TTC28: variants seen among roughly 807,000 people sequenced by gnomAD.
TTC28 encodes the protein tetratricopeptide repeat protein 28.
In TTC28, 61 loss-of-function variants were observed where a neutral mutation model predicts 198.0. The ratio of observed to expected loss-of-function variants is 0.31; its 90% CI spans 0.25 to 0.38. The LOEUF (loss-of-function observed/expected upper bound fraction) is 0.38, where lower values mean the gene tolerates loss of function less well. Ranked by LOEUF, TTC28 falls within the 10% of genes least tolerant of loss-of-function variation. The pLI, the probability that TTC28 is intolerant of heterozygous loss-of-function variation, is 1.00. For synonymous variants in TTC28, 1,171 were observed against 1,297.8 expected (o/e 0.90, Z 2.10); for missense variants, 2,678 against 3,164.0 (o/e 0.85, Z 3.69).
At chr22:28,377,816 G>A (rs134524) in intron 2 of TTC28, among the ~76,000 whole-genome samples, 130,616 of 152,126 alleles carry the variant, frequency 0.86, 56,340 homozygotes, top group East Asian at 0.99. Context: ...ATGTCTGGCA[G>A]GCATGCAAAT....
chr22:28,075,347 G>A (rs1246347262), intron 12 of TTC28, among the ~76,000 whole-genome samples: 1 of 152,084 alleles, frequency 6.6e-6, no homozygotes, highest in South Asian at 2.1e-4. Flanking sequence ...CTGCAACTGC[G>A]TCTCTTTAGT....
rs1183519154 is a variant in TTC28 at position 28,288,761 on chromosome 22, C to T, written c.933+7437G>A. 2.0e-5 allele frequency among the ~76,000 whole-genome samples: 3 copies of T among 149,090 alleles called. No homozygotes were observed. The East Asian group carries it at 5.9e-4, about 29-fold the overall frequency. The stretch of plus-strand genomic sequence containing the variant: ...CCAGAAGGCGGAGCTTGCAGTGAGC[C>T]GAGATCACGCTACTGCACTACAGCC... On this transcript the variant is annotated intron_variant, in intron 5 of 22. Coordinates refer to ENST00000397906, the MANE Select transcript of TTC28 (RefSeq NM_001145418.2).
intron 1 of TTC28, among the ~76,000 whole-genome samples, chr22:28,649,680 TG>T (rs1601663620): frequency 6.6e-6 from 1 of 152,232 alleles, no homozygotes; most frequent in African/African-American, 2.4e-5. Flanking sequence ...CCATTTTATA[TG>T]GTAAATAGCC....
At position 27,982,815 on chromosome 22, in the gene TTC28, A is replaced by G. The variant is rs1937067990; in HGVS notation, c.6852T>C (p.Pro2284=). ...CDSQTSQLDQ[P]LFKLKYPSSP... is the part of the protein sequence containing the mutation. Reference sequence around the variant, plus strand: ...AGCTGGGGTACTTCAGTTTAAAGAGAGGCTGGTCCAGCTGGGAAGTCTGTG... The same window carrying G: ...AGCTGGGGTACTTCAGTTTAAAGAGGGGCTGGTCCAGCTGGGAAGTCTGTG... Residue 2284 remains proline (P), a synonymous_variant, in exon 23 of 23, where the codon CCT becomes CCC. Coordinates refer to ENST00000397906, the MANE Select transcript of TTC28 (RefSeq NM_001145418.2). This position sits in a 1 kb window ranked among gnomAD's most constrained non-coding sequence, Gnocchi z 5.2. The G allele has an allele frequency of 1.3e-6, 2 of 1,541,114 alleles. No individual in the cohort carries two copies. Among genetic ancestry groups the G allele is most frequent in the Non-Finnish European group, 1.8e-6 (2 of 1,140,652 alleles).
At chr22:28,634,050 T>G (rs935010327) in intron 1 of TTC28, among the ~76,000 whole-genome samples, 1 of 152,186 alleles carries the variant, frequency 6.6e-6, no homozygotes, top group African/African-American at 2.4e-5. Context: ...AGAACTCTAG[T>G]ATTTAGAATT....
At chr22:28,159,840 A>G (rs1920987565) in intron 6 of TTC28, among the ~76,000 whole-genome samples, 1 of 152,198 alleles carries the variant, frequency 6.6e-6, no homozygotes, top group Admixed American at 6.5e-5. Context: ...TGAACAGATA[A>G]AGAAAATGTG....
chr22:28,288,592 G>A (rs974771314), intron 5 of TTC28, among the ~76,000 whole-genome samples: 2 of 151,922 alleles, frequency 1.3e-5, no homozygotes, highest in South Asian at 2.1e-4. Flanking sequence ...CGGATCACGA[G>A]GTCAGGATAT....
At chr22:28,247,186 A>G (rs1930166587) in intron 5 of TTC28, among the ~76,000 whole-genome samples, 1 of 152,190 alleles carries the variant, frequency 6.6e-6, no homozygotes, top group African/African-American at 2.4e-5. Flanking sequence ...AACACTCAAT[A>G]AAGAGTGTCT....
At chr22:28,550,730 A>G (rs1240515940) in intron 2 of TTC28, among the ~76,000 whole-genome samples, 1 of 152,182 alleles carries the variant, frequency 6.6e-6, no homozygotes, top group Non-Finnish European at 1.5e-5. Context: ...AAAACATTTG[A>G]TTAGTCTTGA....
intron 2 of TTC28, among the ~76,000 whole-genome samples, chr22:28,620,312 C>T (rs910734987): frequency 6.7e-6 from 1 of 148,152 alleles, no homozygotes; most frequent in African/African-American, 2.5e-5. Flanking sequence ...TCTCTGCCAC[C>T]ACACGCCAGC....
intron 2 of TTC28, among the ~76,000 whole-genome samples, chr22:28,386,641 A>T (rs915630071): frequency 1.4e-4 from 21 of 152,114 alleles, no homozygotes; most frequent in Non-Finnish European, 2.6e-4. Flanking sequence ...TAAGAGCTTT[A>T]AAAAAATGCC....
chr22:28,348,190 A>C (rs2045938111), intron 2 of TTC28, among the ~76,000 whole-genome samples: 1 of 152,220 alleles, frequency 6.6e-6, no homozygotes, highest in Admixed American at 6.5e-5. Flanking sequence ...TTACTCTCTT[A>C]GACACTAGGA....
At chr22:28,637,402 T>A (rs1418854573) in intron 1 of TTC28, among the ~76,000 whole-genome samples, 1 of 152,208 alleles carries the variant, frequency 6.6e-6, no homozygotes, top group African/African-American at 2.4e-5. Context: ...GATAGCCAGT[T>A]TTCCCAGGAC....
chr22:28,275,064 T>C (rs932870787), intron 5 of TTC28, among the ~76,000 whole-genome samples: 1 of 145,618 alleles, frequency 6.9e-6, no homozygotes, highest in African/African-American at 2.5e-5. Context: ...GTAAATACAA[T>C]ATCTTGAACC....
At chr22:28,247,672 T>C (rs575743847) in intron 5 of TTC28, among the ~76,000 whole-genome samples, 18 of 152,318 alleles carry the variant, frequency 1.2e-4, no homozygotes, top group Non-Finnish European at 1.9e-4. Flanking sequence ...AGGTGATGTC[T>C]GACCTAACTC....
chr22:28,130,319 A>T (rs1160475431), intron 6 of TTC28, among the ~76,000 whole-genome samples: 1 of 152,230 alleles, frequency 6.6e-6, no homozygotes, highest in Non-Finnish European at 1.5e-5. Context: ...AAGGAAAAGC[A>T]GAAGATTCAT....
intron 3 of TTC28, among the ~76,000 whole-genome samples, chr22:28,299,729 A>G (rs1271165637): frequency 1.3e-5 from 2 of 152,238 alleles, no homozygotes; most frequent in Non-Finnish European, 1.5e-5. Context: ...CTTTTAAAAT[A>G]TGCTCTCTTA....
intron 6 of TTC28, among the ~76,000 whole-genome samples, chr22:28,109,674 G>A (rs1279383361): frequency 1.3e-5 from 2 of 152,210 alleles, no homozygotes; most frequent in East Asian, 3.8e-4. Flanking sequence ...ATGGTAACTT[G>A]GGAGCTGGCT....
intron 5 of TTC28, among the ~76,000 whole-genome samples, chr22:28,235,638 C>T (rs1386234269): frequency 6.6e-6 from 1 of 152,184 alleles, no homozygotes; most frequent in Non-Finnish European, 1.5e-5. Context: ...ACACACACAA[C>T]TAAATAAGGA....
Sources: allele counts gnomAD v4.1 joint callset (sites outside exome capture counted in the v4.1 genomes callset), GRCh38; gene constraint gnomAD v4.1.1; non-coding constraint Gnocchi (gnomAD v3.1); transcripts MANE v1.5; gene names NCBI Gene and HGNC (gene_info 2026-07-23, HGNC 2026-07-21).